Variants in KDM5A observed in about 807,000 individuals in gnomAD.
The protein encoded by KDM5A is lysine demethylase 5A, also known as lysine-specific demethylase 5A.
KDM5A carries 42 observed loss-of-function variants against 193.5 expected under a neutral mutation model. That is an observed-to-expected ratio of 0.22 (90% CI 0.17 to 0.28). The LOEUF (loss-of-function observed/expected upper bound fraction) is 0.28, where lower values mean the gene tolerates loss of function less well. Among genes scored for constraint, KDM5A ranks in the 10% least tolerant of loss-of-function variants. KDM5A has a pLI of 1.00. For missense variants in KDM5A, 1,692 were observed against 2,055.1 expected, an observed-to-expected ratio of 0.82 and a Z score of 3.42; for synonymous variants, 796 against 718.1, an observed-to-expected ratio of 1.11 and a Z score of -1.73.
At chr12:362,098 C>T (rs532578655) in intron 5 of KDM5A, among the ~76,000 whole-genome samples, 3 of 152,048 alleles carry the variant, frequency 2.0e-5, no homozygotes, top group Non-Finnish European at 2.9e-5. Context: ...TTTCCTTAAA[C>T]GTTAAAATCA....
chr12:381,666 C>G (rs1188492202), intron 3 of KDM5A, among the ~76,000 whole-genome samples: 1 of 152,074 alleles, frequency 6.6e-6, no homozygotes, highest in Non-Finnish European at 1.5e-5. Context: ...ACAGTGCTTA[C>G]TTACTAACAT....
intron 1 of KDM5A, 132 bp from the exon 2 acceptor site, chr12:386,106 G>C: frequency 1.5e-6 from 1 of 664,014 alleles, no homozygotes; most frequent in Admixed American, 2.4e-5. Flanking sequence ...CTTTATTATA[G>C]AGACAGAATG....
rs1943730281 is a variant in KDM5A at position 322,482 on chromosome 12, A to G, written c.2361T>C (p.Ala787=). The stretch of plus-strand genomic sequence containing the variant: ...AAGCACAGGTCTCAGCTTCTTTTAC[A>G]GCATCCCTGAGTTTTCGAAAGAGAT... ...ENDLFRKLRD[A]VKEAETCASV... The change falls in exon 17 of 28, where the codon GCT becomes GCC. Residue 787 remains alanine, a synonymous_variant. Transcript: ENST00000399788. The G allele has an allele frequency of 6.2e-7, 1 of 1,613,696 alleles. No homozygotes were observed. The highest frequency in any genetic ancestry group is 8.5e-7 in the Non-Finnish European group (1 of 1,179,944).
Position 356,517 on chromosome 12 carries a change from A to G in KDM5A, c.693T>C (p.Ser231=). The G allele has an allele frequency of 6.2e-7, 1 of 1,612,208 alleles. No individual in the cohort carries two copies. Among genetic ancestry groups the G allele is most frequent in the Non-Finnish European group, 8.5e-7 (1 of 1,178,286 alleles). The change falls in exon 6 of 28, where the codon AGT becomes AGC. Residue 231 remains serine (S), a synonymous_variant. Coordinates refer to ENST00000399788, the MANE Select transcript of KDM5A (RefSeq NM_001042603.3). ...VKTQSESGDV[S]RNTELKKLQI... ...GAAGTTTCTTCAGTTCCGTGTTTCT[A>G]CTCACATCTCCAGATTCTGACTAAA...
chr12:343,095 T>C (rs1180616586), intron 10 of KDM5A, among the ~76,000 whole-genome samples: 1 of 152,222 alleles, frequency 6.6e-6, no homozygotes, highest in East Asian at 1.9e-4. Flanking sequence ...CCCAAGGTCT[T>C]AGCAACTGGC....
At chr12:364,779 C>CAAAAAAAAAA (rs61342800) in intron 4 of KDM5A, among the ~76,000 whole-genome samples, 1 of 111,346 alleles carries the variant, frequency 9.0e-6, no homozygotes, top group Admixed American at 1.0e-4. Flanking sequence ...AGTCTCATCT[C>CAAAAAAAAAA]AAAAAAAAAA....
At chr12:372,049 T>C (rs1381365361) in intron 3 of KDM5A, among the ~76,000 whole-genome samples, 3 of 152,220 alleles carry the variant, frequency 2.0e-5, no homozygotes, top group South Asian at 4.1e-4. Context: ...TCCAGCTTTG[T>C]TCTTTTGGCT....
chr12:347,543 T>C (rs1308049880), intron 10 of KDM5A, among the ~76,000 whole-genome samples: 2 of 152,204 alleles, frequency 1.3e-5, no homozygotes, highest in East Asian at 1.9e-4. Context: ...CAAAACAGCA[T>C]GGTACTGGTA....
intron 24 of KDM5A, 46 bp from the exon 25 acceptor site, chr12:297,246 C>T (rs771438292): frequency 1.3e-6 from 2 of 1,594,730 alleles, no homozygotes; most frequent in African/African-American, 1.3e-5. Context: ...AGTCATTTAA[C>T]TTATTTTATG....
chr12:305,974 T>G (rs1049351023), intron 24 of KDM5A, among the ~76,000 whole-genome samples: 23 of 145,742 alleles, frequency 1.6e-4, no homozygotes, highest in Non-Finnish European at 2.7e-4. Flanking sequence ...GAAGTGTTTT[T>G]TTTTTTTTTT....
At position 295,627 on chromosome 12, in the gene KDM5A, C is replaced by G. The variant is rs1372432722; in HGVS notation, c.4401G>C (p.Arg1467=). ...VSLDETQHIW[R]ILQATHPPSE... ...AGGGTGGGTGTGTGGCCTGCAAAAT[C>G]CGCCATATGTGTTGAGTCTCGTCCA... Residue 1467 remains arginine, a synonymous_variant, in exon 26 of 28, where the codon CGG becomes CGC. Coordinates refer to ENST00000399788, the MANE Select transcript of KDM5A (RefSeq NM_001042603.3). The G allele has an allele frequency of 1.2e-6, 2 of 1,614,126 alleles. No individual in the cohort carries two copies. The highest frequency in any genetic ancestry group is 2.7e-5 in the African/African-American group (2 of 75,022).
chr12:375,159 C>T (rs1944486481), intron 3 of KDM5A, among the ~76,000 whole-genome samples: 1 of 152,180 alleles, frequency 6.6e-6, no homozygotes, highest in Admixed American at 6.6e-5. Context: ...TGGATAATAT[C>T]CTGCAGAGTG....
intron 14 of KDM5A, 39 bp from the exon 15 acceptor site, chr12:323,820 G>A (rs1341683721): frequency 3.9e-6 from 6 of 1,554,228 alleles, no homozygotes; most frequent in Non-Finnish European, 5.3e-6. Context: ...AGTCTTTCTA[G>A]TCTTTAAAGC....
At position 340,694 on chromosome 12, in the gene KDM5A, C is replaced by CAAAA. The variant is rs375465074; in HGVS notation, c.1309-6276_1309-6273dup. ...CAGGCAACAGTGCGAGACTCCATCACAAAAAAAAAAAAAAAAAAAAAAAAA... is the reference window on the plus strand; with the variant it reads ...CAGGCAACAGTGCGAGACTCCATCACAAAAAAAAAAAAAAAAAAAAAAAAAAAAA... On this transcript the variant is annotated intron_variant, in intron 10 of 27. Transcript: ENST00000399788. 7.8e-3 allele frequency among the ~76,000 whole-genome samples: 399 copies of CAAAA among 51,000 alleles called. 20 individuals carry two copies. Among genetic ancestry groups the CAAAA allele is most frequent in the East Asian group, 0.035 (52 of 1,478 alleles). The allele number at this position is 51,000 out of a possible 152,430, so 33.5% of individuals were successfully genotyped here.
chr12:298,101 G>C (rs1943396657), intron 24 of KDM5A, among the ~76,000 whole-genome samples: 1 of 152,214 alleles, frequency 6.6e-6, no homozygotes, highest in Admixed American at 6.5e-5. Flanking sequence ...TGGGGGAAGG[G>C]GCGGCTGTGG....
chr12:322,374 G>A (rs765541051), intron 17 of KDM5A, 43 bp downstream of exon 17: 1 of 1,597,454 alleles, frequency 6.3e-7, no homozygotes, highest in Non-Finnish European at 8.5e-7. Flanking sequence ...TACTCTGAAA[G>A]AAACAGGAAA....
intron 10 of KDM5A, among the ~76,000 whole-genome samples, chr12:337,093 C>T (rs141705486): frequency 1.3e-5 from 2 of 152,264 alleles, no homozygotes; most frequent in South Asian, 2.1e-4. Context: ...TGAGTTCTCA[C>T]GAGATCTGGT....
At chr12:310,037 C>A in intron 21 of KDM5A, 73 bp from the exon 22 acceptor site, 3 of 1,487,598 alleles carry the variant, frequency 2.0e-6, no homozygotes, top group Non-Finnish European at 2.8e-6. Flanking sequence ...ATAAAGGAAC[C>A]ATTTGTTGAC....
chr12:323,046 A>C, intron 16 of KDM5A, 36 bp downstream of exon 16: 1 of 1,612,616 alleles, frequency 6.2e-7, no homozygotes, highest in Non-Finnish European at 8.5e-7. Context: ...AGTGACAATC[A>C]ATTCAGTATA....
Sources: allele counts gnomAD v4.1 joint callset (sites outside exome capture counted in the v4.1 genomes callset), GRCh38; gene constraint gnomAD v4.1.1; transcripts MANE v1.5; gene names NCBI Gene and HGNC (gene_info 2026-07-23, HGNC 2026-07-21).